BCKDHB: variants seen among roughly 807,000 people sequenced by gnomAD.
BCKDHB encodes branched chain keto acid dehydrogenase E1 subunit beta.
A neutral mutation model predicts 48.5 loss-of-function variants in BCKDHB; 41 were observed. The observed-to-expected ratio is 0.85, with a 90% CI of 0.66 to 1.10. The LOEUF (loss-of-function observed/expected upper bound fraction) is 1.10, where lower values mean the gene tolerates loss of function less well. Ranked by LOEUF, BCKDHB falls within the 50% of genes least tolerant of loss-of-function variation. The probability of loss-of-function intolerance (pLI) is 0.00; values close to 1 mark genes in which losing one functional copy is unlikely to be tolerated. For synonymous variants in BCKDHB, 201 were observed against 174.8 expected (o/e 1.15, Z -1.18); for missense variants, 496 against 494.2 (o/e 1.00, Z -0.03).
At chr6:80,372,886 TC>T in the BCKDHB span, among the ~76,000 whole-genome samples, 1 of 152,178 alleles carries the variant, frequency 6.6e-6, no homozygotes, top group Non-Finnish European at 1.5e-5. Context: ...TCTATGTTCA[TC>T]AGGGATCTTG....
At chr6:80,259,597 A>C (rs1777204056) in intron 8 of BCKDHB, among the ~76,000 whole-genome samples, 1 of 152,178 alleles carries the variant, frequency 6.6e-6, no homozygotes, top group Non-Finnish European at 1.5e-5. Context: ...TTTTTCTTTG[A>C]GACAGATTTA....
intron 7 of BCKDHB, among the ~76,000 whole-genome samples, chr6:80,201,357 A>G (rs1774388101): frequency 6.6e-6 from 1 of 152,106 alleles, no homozygotes; most frequent in Non-Finnish European, 1.5e-5. Context: ...CTTCAGATCT[A>G]TTATTTTCCC....
At chr6:80,367,816 T>C in the BCKDHB span, among the ~76,000 whole-genome samples, 2 of 57,242 alleles carry the variant, frequency 3.5e-5, no homozygotes, top group African/African-American at 1.0e-4. Context: ...CATATGTGAG[T>C]GGGAAGGCCA....
chr6:80,392,153 C>T, the BCKDHB span, among the ~76,000 whole-genome samples: 2 of 151,948 alleles, frequency 1.3e-5, no homozygotes, highest in Admixed American at 1.3e-4. Context: ...CCACCACATC[C>T]AGCTAATTTT....
intron 9 of BCKDHB, among the ~76,000 whole-genome samples, chr6:80,315,595 CTTGT>C (rs1768405989): frequency 6.6e-6 from 1 of 151,454 alleles, no homozygotes; most frequent in African/African-American, 2.4e-5. Flanking sequence ...CCCCCGATCC[CTTGT>C]TTTTTTTTTT....
At chr6:80,365,069 G>C in the BCKDHB span, among the ~76,000 whole-genome samples, 4 of 151,938 alleles carry the variant, frequency 2.6e-5, no homozygotes, top group Admixed American at 1.3e-4. Context: ...ATGCTTCAAA[G>C]GGCAAAAAGC....
chr6:80,447,460 T>G, the BCKDHB span, among the ~76,000 whole-genome samples: 1,825 of 149,550 alleles, frequency 0.012, 17 homozygotes, highest in Non-Finnish European at 0.02. Flanking sequence ...TATATATATA[T>G]ATATACATAT....
In BCKDHB at chr6:80,212,742, A is replaced by G. The variant is rs140909702; in HGVS notation, c.951+9530A>G. Among the ~76,000 whole-genome samples the G allele has an allele frequency of 3.3e-3, 501 of 152,318 alleles. 5 individuals are homozygous for G. Among genetic ancestry groups the G allele is most frequent in the African/African-American group, 0.011 (476 of 41,568 alleles). On this transcript the variant is annotated intron_variant, in intron 8 of 9. Transcript: ENST00000320393. ...TCTTCACAATTTATGTTCCTGTGCC[A>G]CAGCTCCAGCTGGCCCCTCCATTCG...
chr6:80,216,556 A>G (rs112777132), intron 8 of BCKDHB, among the ~76,000 whole-genome samples: 34 of 152,136 alleles, frequency 2.2e-4, no homozygotes, highest in African/African-American at 8.0e-4. Flanking sequence ...CCTCTTATAC[A>G]CTTAAATTAT....
At chr6:80,209,613 T>G (rs1165070501) in intron 8 of BCKDHB, among the ~76,000 whole-genome samples, 1 of 152,012 alleles carries the variant, frequency 6.6e-6, no homozygotes, top group Non-Finnish European at 1.5e-5. Context: ...GGATGTTGAT[T>G]CATTTGGGTA....
At chr6:80,378,191 A>T in the BCKDHB span, among the ~76,000 whole-genome samples, 1 of 152,146 alleles carries the variant, frequency 6.6e-6, no homozygotes, top group Non-Finnish European at 1.5e-5. Flanking sequence ...TAGTGTACTC[A>T]TCATCAAAAT....
intron 9 of BCKDHB, chr6:80,307,635 G>A: frequency 1.0e-6 from 1 of 977,798 alleles, no homozygotes; most frequent in Non-Finnish European, 1.2e-6. Flanking sequence ...AGTATATCTA[G>A]CCATTATAGA....
At chr6:80,154,390 A>G (rs1203750854) in intron 3 of BCKDHB, among the ~76,000 whole-genome samples, 1 of 152,128 alleles carries the variant, frequency 6.6e-6, no homozygotes, top group Non-Finnish European at 1.5e-5. Flanking sequence ...GCTTGATACT[A>G]TCTCTTACAA....
At chr6:80,301,679 A>G (rs907545250) in intron 9 of BCKDHB, among the ~76,000 whole-genome samples, 5 of 152,314 alleles carry the variant, frequency 3.3e-5, no homozygotes, top group Admixed American at 2.0e-4. Context: ...CCTGATACCA[A>G]AATCTCGCAG....
chr6:80,198,467 T>C (rs1452428093), intron 6 of BCKDHB, among the ~76,000 whole-genome samples: 1 of 152,232 alleles, frequency 6.6e-6, no homozygotes, highest in East Asian at 1.9e-4. Flanking sequence ...AACATATTAA[T>C]CATTTAAATG....
intron 1 of BCKDHB, among the ~76,000 whole-genome samples, chr6:80,114,610 GA>G: frequency 6.6e-6 from 1 of 151,994 alleles, no homozygotes; most frequent in Non-Finnish European, 1.5e-5. Flanking sequence ...TGTGAAGGAT[GA>G]AAAAAAGGAA....
intron 8 of BCKDHB, among the ~76,000 whole-genome samples, chr6:80,259,083 T>C (rs1186366783): frequency 6.6e-6 from 1 of 152,150 alleles, no homozygotes; most frequent in Non-Finnish European, 1.5e-5. Context: ...AGTGTAGATA[T>C]ACTTAATATT....
intron 6 of BCKDHB, among the ~76,000 whole-genome samples, chr6:80,195,341 G>A (rs1290239661): frequency 6.6e-6 from 1 of 152,056 alleles, no homozygotes; most frequent in Non-Finnish European, 1.5e-5. Context: ...AGAAGAAAGT[G>A]CACTTAGTTT....
chr6:80,109,043 CCTT>C (rs1406520588), intron 1 of BCKDHB, among the ~76,000 whole-genome samples: 2 of 152,124 alleles, frequency 1.3e-5, no homozygotes, highest in Admixed American at 1.3e-4. Flanking sequence ...GTTTTTATAA[CCTT>C]CTTGAGAATT....
Sources: allele counts gnomAD v4.1 joint callset (sites outside exome capture counted in the v4.1 genomes callset), GRCh38; gene constraint gnomAD v4.1.1; transcripts MANE v1.5; gene names NCBI Gene and HGNC (gene_info 2026-07-23, HGNC 2026-07-21).